The following SUPT3H variants were observed in gnomAD, a reference collection of about 807,000 sequenced individuals.
The protein encoded by SUPT3H is transcription initiation protein SPT3 homolog.
SUPT3H carries 44 observed loss-of-function variants against 44.3 expected under a neutral mutation model. The observed-to-expected ratio is 0.99, with a 90% CI of 0.78 to 1.28. The LOEUF (loss-of-function observed/expected upper bound fraction) is 1.28. SUPT3H is among the 50% of genes most tolerant of loss of function. SUPT3H has a pLI of 0.00. For missense variants in SUPT3H, 380 were observed against 387.1 expected (o/e 0.98, Z 0.15); for synonymous variants, 124 against 125.6 (o/e 0.99, Z 0.09).
At chr6:45,173,573 T>C (rs552175830) in intron 2 of SUPT3H, among the ~76,000 whole-genome samples, 65 of 152,354 alleles carry the variant, frequency 4.3e-4, no homozygotes, top group African/African-American at 1.4e-3. Flanking sequence ...TTTCATTAAA[T>C]GATTTTATCA....
chr6:44,908,158 T>TC (rs1217126282), intron 10 of SUPT3H, among the ~76,000 whole-genome samples: 2 of 150,286 alleles, frequency 1.3e-5, no homozygotes, highest in East Asian at 1.9e-4. Flanking sequence ...TCTTTTCTTT[T>TC]TTTTTTTTTT....
At chr6:44,984,211 A>G (rs974309518) in intron 6 of SUPT3H, among the ~76,000 whole-genome samples, 10 of 152,112 alleles carry the variant, frequency 6.6e-5, no homozygotes, top group African/African-American at 2.4e-4. Context: ...AGCTGAATCA[A>G]ACAGAGGCCA....
intron 2 of SUPT3H, among the ~76,000 whole-genome samples, chr6:45,236,166 T>C (rs369384802): frequency 1.3e-5 from 2 of 152,108 alleles, no homozygotes; most frequent in Non-Finnish European, 2.9e-5. Context: ...CACGCTATAT[T>C]TGTGCATATG....
chr6:45,074,185 C>A (rs1794726547), intron 3 of SUPT3H, among the ~76,000 whole-genome samples: 1 of 151,938 alleles, frequency 6.6e-6, no homozygotes, highest in Non-Finnish European at 1.5e-5. Flanking sequence ...GCTCCACTAT[C>A]TATCTAACTC....
chr6:44,938,096 A>ATT (rs528812806), intron 9 of SUPT3H, among the ~76,000 whole-genome samples: 3 of 136,028 alleles, frequency 2.2e-5, no homozygotes, highest in South Asian at 4.6e-4. Context: ...CCCATTGTCT[A>ATT]TTTTTTTTTT....
intron 2 of SUPT3H, among the ~76,000 whole-genome samples, chr6:45,130,694 AAAC>A: frequency 6.9e-6 from 1 of 144,226 alleles, no homozygotes; most frequent in Non-Finnish European, 1.5e-5. Context: ...TAAAAAAAAA[AAAC>A]AAAAAAAAAA....
chr6:45,211,580 G>C (rs765959900), intron 2 of SUPT3H, among the ~76,000 whole-genome samples: 7 of 152,116 alleles, frequency 4.6e-5, no homozygotes, highest in African/African-American at 7.2e-5. Flanking sequence ...GCCAGGCGTG[G>C]TGGCTCGCAC....
intron 2 of SUPT3H, among the ~76,000 whole-genome samples, chr6:45,206,858 C>A (rs1274504144): frequency 6.6e-6 from 1 of 152,042 alleles, no homozygotes; most frequent in African/African-American, 2.4e-5. Context: ...ATATAAGGAC[C>A]TGGTTTTGGC....
chr6:44,877,223 T>A (rs1043618596), intron 10 of SUPT3H, among the ~76,000 whole-genome samples: 1 of 152,074 alleles, frequency 6.6e-6, no homozygotes, highest in African/African-American at 2.4e-5. Context: ...TCCCAGCACT[T>A]TGGGAGGCTG....
chr6:45,001,002 G>T (rs369386577), intron 6 of SUPT3H, among the ~76,000 whole-genome samples: 1 of 152,094 alleles, frequency 6.6e-6, no homozygotes, highest in African/African-American at 2.4e-5. Context: ...TCTACAAGCA[G>T]CAAAGCAGGT....
In SUPT3H at chr6:45,282,857, C is replaced by T. The variant is rs138136794; in HGVS notation, c.101+82344G>A. Among the ~76,000 whole-genome samples the T allele has an allele frequency of 2.3e-3, 345 of 152,264 alleles. 1 individual carries two copies. The highest frequency in any genetic ancestry group is 7.5e-3 in the African/African-American group (311 of 41,574). On this transcript the variant is annotated intron_variant, in intron 2 of 10. Coordinates refer to ENST00000371459, the MANE Select transcript of SUPT3H (RefSeq NM_003599.4). ...AGAGAAAGGTCAAGTTACCCACTAA[C>T]GGAAGCCCATCAGACTAACGGCTGA...
chr6:45,079,721 A>G (rs763248153), intron 3 of SUPT3H, among the ~76,000 whole-genome samples: 24 of 152,156 alleles, frequency 1.6e-4, no homozygotes, highest in African/African-American at 4.6e-4. Flanking sequence ...TTCAATAAAC[A>G]GTTCTGGGAA....
At chr6:44,931,554 C>T (rs1332000012) in intron 10 of SUPT3H, among the ~76,000 whole-genome samples, 1 of 152,022 alleles carries the variant, frequency 6.6e-6, no homozygotes, top group Non-Finnish European at 1.5e-5. Context: ...CAAAAACATT[C>T]ATGCAAAAGG....
intron 10 of SUPT3H, among the ~76,000 whole-genome samples, chr6:44,902,582 G>T (rs1022229444): frequency 1.3e-5 from 2 of 152,064 alleles, no homozygotes; most frequent in Non-Finnish European, 2.9e-5. Context: ...ATAATAATGG[G>T]AGACTTTAAC....
At position 44,943,883 on chromosome 6, in the gene SUPT3H, A is replaced by G. The variant is rs577584420; in HGVS notation, c.801+9427T>C. On this transcript the variant is annotated intron_variant, in intron 9 of 10. Coordinates refer to ENST00000371459, the MANE Select transcript of SUPT3H (RefSeq NM_003599.4). Reference sequence around the variant, plus strand: ...GCTAACTTGCACTACAACAAATGTTAAACAAAATTTAGCAGAACAGAAAAG... The same window carrying G: ...GCTAACTTGCACTACAACAAATGTTGAACAAAATTTAGCAGAACAGAAAAG... Among the ~76,000 whole-genome samples, 15 of 152,280 alleles carry G rather than the reference A, an allele frequency of 9.9e-5. No homozygotes were observed. In the South Asian group the frequency reaches 2.7e-3, roughly 27 times the overall value.
intron 3 of SUPT3H, among the ~76,000 whole-genome samples, chr6:45,068,639 T>C (rs928140111): frequency 1.3e-5 from 2 of 152,152 alleles, no homozygotes; most frequent in African/African-American, 4.8e-5. Flanking sequence ...TTAGAATCAA[T>C]GTATATATTT....
At chr6:45,115,039 T>G (rs1016919181) in intron 2 of SUPT3H, among the ~76,000 whole-genome samples, 5 of 152,120 alleles carry the variant, frequency 3.3e-5, no homozygotes, top group Non-Finnish European at 7.4e-5. Context: ...TGAAATTTAG[T>G]CAAAAAACTA....
At chr6:45,130,480 A>C (rs1244329276) in intron 2 of SUPT3H, among the ~76,000 whole-genome samples, 1 of 151,978 alleles carries the variant, frequency 6.6e-6, no homozygotes, top group Non-Finnish European at 1.5e-5. Context: ...CAATGCTGCT[A>C]TGAACATTTG....
At chr6:45,216,250 G>A (rs369553236) in intron 2 of SUPT3H, among the ~76,000 whole-genome samples, 3 of 151,694 alleles carry the variant, frequency 2.0e-5, no homozygotes, top group African/African-American at 4.9e-5. Flanking sequence ...GTAAAAGGAT[G>A]GTAACTACCA....
Sources: allele counts gnomAD v4.1 joint callset (sites outside exome capture counted in the v4.1 genomes callset), GRCh38; gene constraint gnomAD v4.1.1; transcripts MANE v1.5; gene names NCBI Gene and HGNC (gene_info 2026-07-23, HGNC 2026-07-21).